Variants in SRPK2 observed in about 807,000 individuals in gnomAD.
SRPK2 encodes the protein SFRS protein kinase 2.
In SRPK2, 21 loss-of-function variants were observed where a neutral mutation model predicts 90.8. That is an observed-to-expected ratio of 0.23 (90% CI 0.16 to 0.33). The LOEUF is 0.33. Ranked by LOEUF, SRPK2 falls within the 10% of genes least tolerant of loss-of-function variation. The pLI, the probability that SRPK2 is intolerant of heterozygous loss-of-function variation, is 1.00. For synonymous variants in SRPK2, 288 were observed against 311.1 expected (o/e 0.93, Z 0.78); for missense variants, 620 against 869.0 (o/e 0.71, Z 3.60).
rs1164178654 is a variant in SRPK2, at chr7:105,170,932, AAG to A, written c.230-1669_230-1668del. Among the ~76,000 whole-genome samples the A allele has an allele frequency of 7.5e-3, 321 of 42,750 alleles. 6 individuals carry two copies. Among genetic ancestry groups the A allele is most frequent in the Admixed American group, 0.016 (57 of 3,514 alleles). The allele number at this position is 42,750 out of a possible 152,430, so 28.0% of individuals were successfully genotyped here. A position where few individuals can be genotyped will look rare whatever the true frequency, so the allele number is the denominator to read the frequency against. On this transcript the variant is annotated intron_variant, in intron 3 of 15. Transcript: ENST00000393651. ...GAAAGAAAGGAGAAAGAAAAAGAAAAAGGAAAGAAAGAAAGAAAGAAAGAAAG... is the reference window on the plus strand; with the variant it reads ...GAAAGAAAGGAGAAAGAAAAAGAAAAGAAAGAAAGAAAGAAAGAAAGAAAG...
intron 2 of SRPK2, among the ~76,000 whole-genome samples, chr7:105,250,864 C>A (rs1378844827): frequency 6.6e-6 from 1 of 152,116 alleles, no homozygotes; most frequent in African/African-American, 2.4e-5. Context: ...TTTTCACCAG[C>A]TGTTAAATCT....
At chr7:105,281,668 TAAA>T (rs58671941) in intron 2 of SRPK2, among the ~76,000 whole-genome samples, 3 of 145,398 alleles carry the variant, frequency 2.1e-5, no homozygotes, top group Admixed American at 6.8e-5. Context: ...GTTGCTAAGG[TAAA>T]AAAAAAAAAA....
At chr7:105,194,663 G>A (rs764631107) in intron 3 of SRPK2, among the ~76,000 whole-genome samples, 4 of 152,136 alleles carry the variant, frequency 2.6e-5, no homozygotes, top group African/African-American at 7.2e-5. Flanking sequence ...TTATTAAGGC[G>A]TATCTAAAAT....
At chr7:105,381,330 G>A (rs1437572751) in intron 2 of SRPK2, among the ~76,000 whole-genome samples, 3 of 151,856 alleles carry the variant, frequency 2.0e-5, no homozygotes, top group Non-Finnish European at 2.9e-5. Flanking sequence ...TAATCCCAAC[G>A]CTTTGTGAGG....
intron 2 of SRPK2, among the ~76,000 whole-genome samples, chr7:105,384,619 G>A (rs769297243): frequency 6.6e-5 from 10 of 152,006 alleles, no homozygotes; most frequent in Non-Finnish European, 1.3e-4. Flanking sequence ...TTCCTCCTCT[G>A]GAAAATTAAT....
chr7:105,254,776 G>C (rs1322876523), intron 2 of SRPK2, among the ~76,000 whole-genome samples: 1 of 151,882 alleles, frequency 6.6e-6, no homozygotes, highest in Non-Finnish European at 1.5e-5. Flanking sequence ...TGTAGCCTTT[G>C]CCTACTGTGT....
chr7:105,181,970 T>C (rs1489894187), intron 3 of SRPK2, among the ~76,000 whole-genome samples: 1 of 151,110 alleles, frequency 6.6e-6, no homozygotes, highest in Non-Finnish European at 1.5e-5. Context: ...GGCTCACGCC[T>C]GTAATCCCAG....
chr7:105,159,282 T>C (rs982712977), intron 7 of SRPK2, among the ~76,000 whole-genome samples: 1 of 151,692 alleles, frequency 6.6e-6, no homozygotes, highest in Non-Finnish European at 1.5e-5. Flanking sequence ...GCTTAGGAGT[T>C]TGAGACCACC....
At chr7:105,183,333 T>C (rs1378538402) in intron 3 of SRPK2, among the ~76,000 whole-genome samples, 3 of 152,182 alleles carry the variant, frequency 2.0e-5, no homozygotes. Flanking sequence ...ATCTACATTC[T>C]AGTCTAGAAC....
At chr7:105,269,339 CT>C (rs1037559743) in intron 2 of SRPK2, among the ~76,000 whole-genome samples, 2 of 152,130 alleles carry the variant, frequency 1.3e-5, no homozygotes, top group African/African-American at 4.8e-5. Context: ...ATTTTTGTCA[CT>C]TAAGAATGAA....
chr7:105,142,976 CT>C, intron 10 of SRPK2, 107 bp downstream of exon 10: 1 of 1,430,574 alleles, frequency 7.0e-7, no homozygotes, highest in Non-Finnish European at 9.4e-7. Context: ...GAGAATCATC[CT>C]TGTCATCTGC....
chr7:105,206,182 A>G (rs1256838807), intron 2 of SRPK2, among the ~76,000 whole-genome samples: 2 of 152,086 alleles, frequency 1.3e-5, no homozygotes, highest in Non-Finnish European at 2.9e-5. Context: ...GGCCATCAAA[A>G]ATGCGTGTAG....
intron 2 of SRPK2, among the ~76,000 whole-genome samples, chr7:105,275,191 T>C (rs191028294): frequency 6.6e-6 from 1 of 152,208 alleles, no homozygotes; most frequent in Non-Finnish European, 1.5e-5. Flanking sequence ...CAGCCAGTGA[T>C]TGGCTTTCCT....
intron 2 of SRPK2, among the ~76,000 whole-genome samples, chr7:105,295,224 A>C (rs918903312): frequency 3.6e-5 from 5 of 139,710 alleles, no homozygotes; most frequent in Admixed American, 7.2e-5. Context: ...AAAAAAAAAA[A>C]TTGAATGAAA....
intron 15 of SRPK2, among the ~76,000 whole-genome samples, chr7:105,120,922 C>T (rs748917576): frequency 2.0e-5 from 3 of 152,184 alleles, no homozygotes; most frequent in Non-Finnish European, 2.9e-5. Context: ...TCCAGCCCTG[C>T]AGATGATGCC....
chr7:105,329,666 G>A (rs1021928642), intron 2 of SRPK2, among the ~76,000 whole-genome samples: 11 of 151,918 alleles, frequency 7.2e-5, no homozygotes, highest in Non-Finnish European at 1.5e-4. Context: ...TACAGAAAAT[G>A]AAGTGACACC....
At chr7:105,209,403 G>C (rs943659246) in intron 2 of SRPK2, among the ~76,000 whole-genome samples, 1 of 152,140 alleles carries the variant, frequency 6.6e-6, no homozygotes, top group African/African-American at 2.4e-5. Context: ...AATTAGCTGG[G>C]CGTGGTGGCA....
chr7:105,180,828 A>G (rs1792687124), intron 3 of SRPK2, among the ~76,000 whole-genome samples: 1 of 152,192 alleles, frequency 6.6e-6, no homozygotes. Flanking sequence ...AGGACCTGGC[A>G]AAGATTTCAT....
intron 2 of SRPK2, among the ~76,000 whole-genome samples, chr7:105,306,017 C>A (rs1585634124): frequency 1.3e-5 from 2 of 152,292 alleles, no homozygotes; most frequent in African/African-American, 4.8e-5. Context: ...GGGCAGGAAA[C>A]TAAATGCCTT....
Sources: allele counts gnomAD v4.1 joint callset (sites outside exome capture counted in the v4.1 genomes callset), GRCh38; gene constraint gnomAD v4.1.1; transcripts MANE v1.5; gene names NCBI Gene and HGNC (gene_info 2026-07-23, HGNC 2026-07-21).